EPHA6: variants seen among roughly 807,000 people sequenced by gnomAD.
The protein encoded by EPHA6 is EPH receptor A6, also known as ephrin type-A receptor 6.
In EPHA6, 50 loss-of-function variants were observed where a neutral mutation model predicts 112.0. The observed-to-expected ratio is 0.45, with a 90% CI of 0.36 to 0.56. EPHA6 has a LOEUF of 0.56. EPHA6 is among the 20% of genes least tolerant of loss of function. The pLI, the probability that EPHA6 is intolerant of heterozygous loss-of-function variation, is 0.00. For synonymous variants in EPHA6, 529 were observed against 490.7 expected, an observed-to-expected ratio of 1.08 and a Z score of -1.03; for missense variants, 1,280 against 1,417.4, an observed-to-expected ratio of 0.90 and a Z score of 1.56.
At chr3:97,525,659 T>C (rs2092607919) in intron 10 of EPHA6, among the ~76,000 whole-genome samples, 1 of 152,196 alleles carries the variant, frequency 6.6e-6, no homozygotes, top group African/African-American at 2.4e-5. Context: ...TTTCTCCTAA[T>C]AGGTCTGCAG....
chr3:97,102,713 T>C (rs912433793), intron 3 of EPHA6, among the ~76,000 whole-genome samples: 2 of 152,092 alleles, frequency 1.3e-5, no homozygotes, highest in Non-Finnish European at 2.9e-5. Flanking sequence ...TTTTCCTCAA[T>C]AGTTGAACTA....
At position 97,757,904 on chromosome 3, in the gene EPHA6, G is replaced by C. The variant is rs1410568036; in HGVS notation, c.*9203G>C. ...CAACTCTCAAATAAGTTGAAACCAAGTGTCATAGCACAGTGGCTAGAAGTT... is the reference window on the plus strand; with the variant it reads ...CAACTCTCAAATAAGTTGAAACCAACTGTCATAGCACAGTGGCTAGAAGTT... On this transcript the variant is annotated 3_prime_UTR_variant, in exon 18 of 18. Coordinates refer to ENST00000389672, the MANE Select transcript of EPHA6 (RefSeq NM_001080448.3). 1.3e-5 allele frequency among the ~76,000 whole-genome samples: 2 copies of C among 151,836 alleles called. No homozygotes were observed. Among genetic ancestry groups the C allele is most frequent in the Non-Finnish European group, 2.9e-5 (2 of 67,806 alleles).
intron 1 of EPHA6, among the ~76,000 whole-genome samples, chr3:96,852,341 A>G (rs2035443406): frequency 6.6e-6 from 1 of 152,034 alleles, no homozygotes; most frequent in African/African-American, 2.4e-5. Flanking sequence ...AGGCATGAGA[A>G]TAACTTGAGC....
At chr3:96,916,158 G>A (rs1356845291) in intron 2 of EPHA6, among the ~76,000 whole-genome samples, 1 of 152,106 alleles carries the variant, frequency 6.6e-6, no homozygotes, top group African/African-American at 2.4e-5. Context: ...AAAGAATGTT[G>A]TGGAAATATT....
chr3:97,332,803 TC>T (rs1243228447), intron 5 of EPHA6, among the ~76,000 whole-genome samples: 1 of 152,068 alleles, frequency 6.6e-6, no homozygotes, highest in African/African-American at 2.4e-5. Context: ...GATTCTCTAT[TC>T]TGTTTCATTG....
intron 3 of EPHA6, among the ~76,000 whole-genome samples, chr3:97,155,732 C>T (rs1463758199): frequency 6.6e-6 from 1 of 152,112 alleles, no homozygotes; most frequent in African/African-American, 2.4e-5. Flanking sequence ...AACCTGCTGG[C>T]TGTCATCCAG....
intron 7 of EPHA6, among the ~76,000 whole-genome samples, chr3:97,461,129 G>C (rs542391298): frequency 6.6e-6 from 1 of 152,122 alleles, no homozygotes; most frequent in Non-Finnish European, 1.5e-5. Context: ...ACTTCAGGGA[G>C]GATGGCCTGA....
chr3:97,577,863 G>C (rs2093402100), intron 11 of EPHA6, among the ~76,000 whole-genome samples: 1 of 151,694 alleles, frequency 6.6e-6, no homozygotes, highest in Non-Finnish European at 1.5e-5. Context: ...GTAATATTTG[G>C]GTCTTTGGAA....
At chr3:97,269,331 T>G (rs146661278) in intron 5 of EPHA6, among the ~76,000 whole-genome samples, 46 of 152,324 alleles carry the variant, frequency 3.0e-4, no homozygotes, top group African/African-American at 1.1e-3. Context: ...TTACTCCAGG[T>G]ATCCATTTCT....
At chr3:97,063,230 A>G (rs1044921932) in intron 3 of EPHA6, among the ~76,000 whole-genome samples, 3 of 152,188 alleles carry the variant, frequency 2.0e-5, no homozygotes, top group Non-Finnish European at 2.9e-5. Flanking sequence ...AAATCTTTCT[A>G]TTATAAAGAT....
chr3:97,712,572 A>G (rs1177362682), intron 14 of EPHA6, among the ~76,000 whole-genome samples: 1 of 152,156 alleles, frequency 6.6e-6, no homozygotes, highest in Non-Finnish European at 1.5e-5. Flanking sequence ...ATTGTGTCCT[A>G]CATTATCTAC....
intron 14 of EPHA6, among the ~76,000 whole-genome samples, chr3:97,668,686 G>C (rs1467719919): frequency 7.9e-5 from 12 of 151,858 alleles, no homozygotes; most frequent in Admixed American, 2.6e-4. Context: ...GGCCGAGGTG[G>C]GCAGATCACT....
intron 14 of EPHA6, among the ~76,000 whole-genome samples, chr3:97,654,536 G>T (rs1401109148): frequency 1.3e-5 from 2 of 151,858 alleles, no homozygotes; most frequent in East Asian, 3.9e-4. Context: ...AAAGTGAGTA[G>T]CTACCTTGAA....
chr3:96,881,587 T>C (rs1009580345), intron 2 of EPHA6, among the ~76,000 whole-genome samples: 17 of 152,148 alleles, frequency 1.1e-4, no homozygotes, highest in Non-Finnish European at 2.2e-4. Context: ...CAAACCATAT[T>C]ATTCTGCCCC....
chr3:96,854,303 C>A (rs1222939653), intron 1 of EPHA6, among the ~76,000 whole-genome samples: 3 of 151,456 alleles, frequency 2.0e-5, no homozygotes, highest in African/African-American at 4.8e-5. Context: ...CCTCAGCCTC[C>A]CAAGTAGCTG....
At chr3:96,860,550 A>C (rs1393969736) in intron 1 of EPHA6, among the ~76,000 whole-genome samples, 1 of 152,006 alleles carries the variant, frequency 6.6e-6, no homozygotes, top group Non-Finnish European at 1.5e-5. Context: ...AATATTCTTC[A>C]AAAAATTGGA....
intron 7 of EPHA6, among the ~76,000 whole-genome samples, chr3:97,466,778 C>G (rs1223797052): frequency 6.6e-6 from 1 of 151,924 alleles, no homozygotes; most frequent in East Asian, 1.9e-4. Flanking sequence ...CCTTGCCTAT[C>G]TCTCCAACTT....
At chr3:97,139,007 A>C (rs2108347231) in intron 3 of EPHA6, among the ~76,000 whole-genome samples, 1 of 152,252 alleles carries the variant, frequency 6.6e-6, no homozygotes, top group South Asian at 2.1e-4. Context: ...TCTTGGTGCA[A>C]GACAGTTGCC....
chr3:96,857,407 A>G (rs2035758878), intron 1 of EPHA6, among the ~76,000 whole-genome samples: 1 of 152,072 alleles, frequency 6.6e-6, no homozygotes, highest in Non-Finnish European at 1.5e-5. Context: ...CATGGGTCAC[A>G]TTTGTAAATG....
Sources: gnomAD v4.1 joint callset for allele counts (sites outside exome capture counted in the v4.1 genomes callset) on GRCh38, gnomAD v4.1.1 for gene constraint, MANE v1.5 for transcripts, NCBI Gene and HGNC (gene_info 2026-07-23, HGNC 2026-07-21) for gene names.